The following ITGA8 variants were observed in gnomAD, a reference collection of about 807,000 sequenced individuals.
ITGA8 encodes integrin alpha-8.
Under a neutral mutation model 142.3 loss-of-function variants are expected in ITGA8, and 91 were observed. That is an observed-to-expected ratio of 0.64 (90% CI 0.54 to 0.76). The LOEUF (loss-of-function observed/expected upper bound fraction) is 0.76. Among genes scored for constraint, ITGA8 ranks in the 30% least tolerant of loss-of-function variants. ITGA8 has a pLI of 0.00. For synonymous variants in ITGA8, 505 were observed against 485.2 expected (o/e 1.04, Z -0.54); for missense variants, 1,406 against 1,327.7 (o/e 1.06, Z -0.92).
chr10:15,626,628 C>T lies in ITGA8; in HGVS notation c.1400-10069G>A, dbSNP rs554867374. Among the ~76,000 whole-genome samples the T allele has an allele frequency of 2.1e-3, 314 of 152,208 alleles. 1 individual carries two copies. Among genetic ancestry groups the T allele is most frequent in the African/African-American group, 7.3e-3 (305 of 41,526 alleles). On this transcript the variant is annotated intron_variant, in intron 13 of 29. Transcript: ENST00000378076. ...AAACAATGAACCTCAGGTATTTACC[C>T]CAGACAAAAACACTGCTTCAGTAGG...
chr10:15,717,883 A>T (rs960847426), intron 2 of ITGA8, among the ~76,000 whole-genome samples: 12 of 152,254 alleles, frequency 7.9e-5, no homozygotes, highest in African/African-American at 2.7e-4. Context: ...AACAATTAAA[A>T]ATCAAAGAAA....
Position 15,678,782 on chromosome 10 carries a change from G to A in ITGA8, c.570C>T (p.Ser190=). ...AACCCTGGCCTTCCGGATCAGCATT[G>A]CCTAGAACGATCAAAATACATAAAT... ...AYAEFSPCRN[S]NADPEGQGYC... is the part of the protein sequence containing the mutation. Residue 190 remains serine (S), a splice_region_variant and synonymous_variant, in exon 5 of 30, where the codon AGC becomes AGT. Coordinates refer to ENST00000378076, the MANE Select transcript of ITGA8 (RefSeq NM_003638.3). 1.9e-6 allele frequency: 3 copies of A among 1,592,940 alleles called. No individual in the cohort carries two copies. The highest frequency in any genetic ancestry group is 1.1e-5 in the South Asian group (1 of 90,022).
rs540223687 is a variant in ITGA8 at position 15,589,334 on chromosome 10, C to T, written c.2292-2670G>A. Among the ~76,000 whole-genome samples, 14 of 152,260 alleles carry T rather than the reference C, an allele frequency of 9.2e-5. No individual in the cohort carries two copies. The East Asian group carries it at 2.7e-3, about 29-fold the overall frequency. On this transcript the variant is annotated intron_variant, in intron 22 of 29. Coordinates refer to ENST00000378076, the MANE Select transcript of ITGA8 (RefSeq NM_003638.3). Reference sequence around the variant, plus strand: ...CATCTCACCATTACTAAGGAAGAAACTCTGAGGACAGTCACCAAGACCTGT... The same window carrying T: ...CATCTCACCATTACTAAGGAAGAAATTCTGAGGACAGTCACCAAGACCTGT...
At chr10:15,692,627 G>A (rs1588728539) in intron 2 of ITGA8, among the ~76,000 whole-genome samples, 2 of 152,172 alleles carry the variant, frequency 1.3e-5, no homozygotes, top group South Asian at 4.1e-4. Flanking sequence ...CAAAGTCTTG[G>A]TTTTTAACTC....
intron 25 of ITGA8, among the ~76,000 whole-genome samples, chr10:15,561,156 T>A (rs543845070): frequency 6.7e-6 from 1 of 148,268 alleles, no homozygotes; most frequent in African/African-American, 2.5e-5. Context: ...TCCCAAAACA[T>A]TGAGATTACA....
intron 2 of ITGA8, among the ~76,000 whole-genome samples, chr10:15,702,222 C>T (rs934791040): frequency 4.6e-5 from 7 of 151,788 alleles, no homozygotes; most frequent in South Asian, 2.1e-4. Context: ...CATGCTTACA[C>T]GCACATTAAA....
At chr10:15,548,717 C>A in intron 26 of ITGA8, 149 bp from the exon 27 acceptor site, 1 of 528,772 alleles carries the variant, frequency 1.9e-6, no homozygotes, top group Non-Finnish European at 3.3e-6. Context: ...TTGCAACAAC[C>A]AAGAAAACAC....
chr10:15,617,427 C>T (rs1227927197), intron 13 of ITGA8, among the ~76,000 whole-genome samples: 3 of 150,066 alleles, frequency 2.0e-5, no homozygotes, highest in African/African-American at 7.4e-5. Flanking sequence ...TTGACAGAGT[C>T]TCGCTCCATC....
intron 23 of ITGA8, among the ~76,000 whole-genome samples, chr10:15,580,655 C>CTT (rs1564360609): frequency 6.6e-6 from 1 of 152,090 alleles, no homozygotes. Flanking sequence ...CAATTCACCA[C>CTT]TTTAATGAAT....
intron 4 of ITGA8, 131 bp from the exon 5 acceptor site, chr10:15,678,914 T>C (rs1834683964): frequency 3.8e-6 from 2 of 521,356 alleles, no homozygotes; most frequent in Non-Finnish European, 6.7e-6. Context: ...GTGTTTTATG[T>C]TTATTTTTAA....
At chr10:15,518,101 C>T (rs1245908482) in intron 29 of ITGA8, among the ~76,000 whole-genome samples, 1 of 152,146 alleles carries the variant, frequency 6.6e-6, no homozygotes, top group East Asian at 1.9e-4. Flanking sequence ...AGTGACTTTC[C>T]AAAGGTTAGC....
intron 27 of ITGA8, among the ~76,000 whole-genome samples, chr10:15,532,278 G>T (rs371472154): frequency 8.7e-4 from 132 of 151,976 alleles, no homozygotes; most frequent in African/African-American, 3.1e-3. Context: ...AATTAGCTGG[G>T]CATGGTGGCG....
intron 13 of ITGA8, among the ~76,000 whole-genome samples, chr10:15,638,556 G>C (rs950706918): frequency 6.6e-6 from 1 of 152,162 alleles, no homozygotes; most frequent in Non-Finnish European, 1.5e-5. Context: ...AGGAGAAAGC[G>C]TTTATCTCAA....
chr10:15,549,033 C>T (rs923609177), intron 26 of ITGA8, among the ~76,000 whole-genome samples: 5 of 152,064 alleles, frequency 3.3e-5, no homozygotes, highest in Non-Finnish European at 7.4e-5. Flanking sequence ...ATAAAGGAGG[C>T]TTTTCTGTGA....
At chr10:15,604,578 C>CAAAAAA (rs35672275) in intron 19 of ITGA8, among the ~76,000 whole-genome samples, 2 of 86,364 alleles carry the variant, frequency 2.3e-5, no homozygotes, top group African/African-American at 4.4e-5. Flanking sequence ...AACCAGTTCT[C>CAAAAAA]AAAAAAAAAA....
chr10:15,690,363 C>A (rs1012171040), intron 2 of ITGA8, among the ~76,000 whole-genome samples: 1 of 152,178 alleles, frequency 6.6e-6, no homozygotes, highest in Non-Finnish European at 1.5e-5. Context: ...ACCTCTTCCT[C>A]TGCAGAGCCA....
At chr10:15,541,295 A>G (rs1486255033) in intron 27 of ITGA8, among the ~76,000 whole-genome samples, 1 of 152,236 alleles carries the variant, frequency 6.6e-6, no homozygotes, top group East Asian at 1.9e-4. Context: ...TTCTGAATGA[A>G]GCCAAGAATG....
At chr10:15,719,481 G>T (rs983177165) in intron 1 of ITGA8, 82 bp downstream of exon 1, 3 of 1,301,678 alleles carry the variant, frequency 2.3e-6, no homozygotes, top group African/African-American at 1.6e-5. Flanking sequence ...AGGCTGCGGG[G>T]GGACTCCGCG....
chr10:15,557,517 C>A (rs1833907207), intron 26 of ITGA8, among the ~76,000 whole-genome samples: 1 of 152,192 alleles, frequency 6.6e-6, no homozygotes, highest in Non-Finnish European at 1.5e-5. Context: ...CTGAACACAG[C>A]ATTCTTTTTT....
Sources: gnomAD v4.1 joint callset for allele counts (sites outside exome capture counted in the v4.1 genomes callset) on GRCh38, gnomAD v4.1.1 for gene constraint, MANE v1.5 for transcripts, NCBI Gene and HGNC (gene_info 2026-07-23, HGNC 2026-07-21) for gene names.